The following TAX1BP1 variants were observed in gnomAD, a reference collection of about 807,000 sequenced individuals.
The protein encoded by TAX1BP1 is Tax1 binding protein 1, also known as tax1-binding protein 1.
A neutral mutation model predicts 97.7 loss-of-function variants in TAX1BP1; 62 were observed. That is an observed-to-expected ratio of 0.63 (90% CI 0.52 to 0.78). The LOEUF (loss-of-function observed/expected upper bound fraction) is 0.78, where lower values mean the gene tolerates loss of function less well. Ranked by LOEUF, TAX1BP1 falls within the 30% of genes least tolerant of loss-of-function variation. The pLI is 0.00. For synonymous variants in TAX1BP1, 340 were observed against 304.2 expected (o/e 1.12, Z -1.23); for missense variants, 867 against 916.1 (o/e 0.95, Z 0.69).
chr7:27,744,368 G>T (rs534489886), intron 1 of TAX1BP1, among the ~76,000 whole-genome samples: 20 of 151,626 alleles, frequency 1.3e-4, no homozygotes, highest in African/African-American at 4.8e-4. Context: ...CTCGTGATCC[G>T]CCCGCCTCGG....
In TAX1BP1 at chr7:27,803,977, A is replaced by G. The variant is rs2128321339; in HGVS notation, c.1764+3887A>G. On this transcript the variant is annotated intron_variant, in intron 13 of 16. Transcript: ENST00000396319. ...AGATATTTTCTCAAAGTGAAATGAA[A>G]TGAGCCTGTTATATCAGGGAAAAAC... Among the ~76,000 whole-genome samples the G allele has an allele frequency of 1.3e-5, 2 of 152,324 alleles. 1 individual carries two copies. Among genetic ancestry groups the G allele is most frequent in the Middle Eastern group, 6.8e-3 (2 of 294 alleles).
intron 11 of TAX1BP1, among the ~76,000 whole-genome samples, chr7:27,795,760 G>T (rs908792550): frequency 6.6e-6 from 1 of 152,108 alleles, no homozygotes; most frequent in Non-Finnish European, 1.5e-5. Flanking sequence ...CACCGTGTTA[G>T]CCAGGATGGT....
chr7:27,749,355 A>G (rs1787940830), intron 2 of TAX1BP1, among the ~76,000 whole-genome samples: 1 of 152,254 alleles, frequency 6.6e-6, no homozygotes, highest in African/African-American at 2.4e-5. Flanking sequence ...TCCTCTGAGC[A>G]GTCAAAATAA....
chr7:27,791,697 ATGGGATCTT>A (rs1789714653), intron 8 of TAX1BP1, among the ~76,000 whole-genome samples: 1 of 152,010 alleles, frequency 6.6e-6, no homozygotes. Context: ...ATTCTGGGGG[ATGGGATCTT>A]TTGTTTGAGC....
At chr7:27,765,755 T>C (rs1562707040) in intron 3 of TAX1BP1, 79 bp from the exon 4 acceptor site, 1 of 1,239,398 alleles carries the variant, frequency 8.1e-7, no homozygotes, top group East Asian at 2.4e-5. Context: ...GAATGAGACA[T>C]GGCAAGTATT....
At chr7:27,817,523 A>G (rs1464650552) in intron 15 of TAX1BP1, among the ~76,000 whole-genome samples, 1 of 152,172 alleles carries the variant, frequency 6.6e-6, no homozygotes, top group Non-Finnish European at 1.5e-5. Context: ...TGTATGTATC[A>G]TATAGTGGTT....
chr7:27,764,164 T>C (rs563937463), intron 3 of TAX1BP1, among the ~76,000 whole-genome samples: 52 of 152,378 alleles, frequency 3.4e-4, no homozygotes, highest in African/African-American at 1.2e-3. Context: ...TACAGTACTA[T>C]TGACTAAAGT....
In TAX1BP1 at chr7:27,829,028, T is replaced by C. The variant is rs1782595143; in HGVS notation, c.*199T>C. On this transcript the variant is annotated 3_prime_UTR_variant, in exon 17 of 17. Transcript: ENST00000396319. Reference sequence around the variant, plus strand: ...GCTTATCAATAAATTTTAATCTCTGTTAATCTTACCTGCTTTAAAAAAAAG... The same window carrying C: ...GCTTATCAATAAATTTTAATCTCTGCTAATCTTACCTGCTTTAAAAAAAAG... 5 of 466,278 alleles carry C rather than the reference T, an allele frequency of 1.1e-5. No homozygotes were observed. The highest frequency in any genetic ancestry group is 5.4e-4 in the Middle Eastern group (1 of 1,866). 28.9% of individuals were successfully genotyped at this position (466,278 alleles called of 1,614,324 possible).
intron 10 of TAX1BP1, 134 bp downstream of exon 10, chr7:27,793,346 T>G: frequency 2.1e-5 from 16 of 774,104 alleles, no homozygotes; most frequent in Non-Finnish European, 2.8e-5. Flanking sequence ...ATTGGCCAAA[T>G]ATTGTAATAA....
At chr7:27,815,225 G>A (rs1272412665) in intron 13 of TAX1BP1, among the ~76,000 whole-genome samples, 1 of 152,050 alleles carries the variant, frequency 6.6e-6, no homozygotes, top group Non-Finnish European at 1.5e-5. Context: ...TTGATCTTCA[G>A]TAGAATCATT....
intron 1 of TAX1BP1, among the ~76,000 whole-genome samples, chr7:27,744,859 C>T (rs941723699): frequency 2.6e-5 from 4 of 151,932 alleles, no homozygotes; most frequent in Non-Finnish European, 5.9e-5. Flanking sequence ...TTAATGCATT[C>T]GCAAAATAAT....
At chr7:27,775,733 A>G (rs919509968) in intron 5 of TAX1BP1, among the ~76,000 whole-genome samples, 2 of 152,142 alleles carry the variant, frequency 1.3e-5, no homozygotes, top group Admixed American at 6.5e-5. Flanking sequence ...CAGTTTCTCC[A>G]TCTCTTGGGT....
chr7:27,781,724 T>G lies in TAX1BP1; in HGVS notation c.613-3439T>G, dbSNP rs1285588223. On this transcript the variant is annotated intron_variant, in intron 5 of 16. Transcript: ENST00000396319. The stretch of plus-strand genomic sequence containing the variant: ...ACTAAATTAATTAATTAATTAATTT[T>G]TTTTTTTGAGACGGAGTCTTACTCT... Among the ~76,000 whole-genome samples the G allele has an allele frequency of 3.3e-5, 5 of 151,988 alleles. No individual in the cohort carries two copies. In the South Asian group the frequency reaches 8.3e-4, roughly 25 times the overall value.
At chr7:27,754,305 C>A (rs994994717) in intron 2 of TAX1BP1, among the ~76,000 whole-genome samples, 1 of 150,910 alleles carries the variant, frequency 6.6e-6, no homozygotes, top group African/African-American at 2.4e-5. Flanking sequence ...CCTTGGTCTC[C>A]CCTTCAGTCC....
At chr7:27,808,988 T>G (rs577069653) in intron 13 of TAX1BP1, among the ~76,000 whole-genome samples, 2 of 152,194 alleles carry the variant, frequency 1.3e-5, no homozygotes, top group Non-Finnish European at 2.9e-5. Context: ...TGATTTAAAA[T>G]GAATAGAGCA....
intron 15 of TAX1BP1, among the ~76,000 whole-genome samples, chr7:27,825,063 C>T (rs1791122635): frequency 6.6e-6 from 1 of 152,054 alleles, no homozygotes. Flanking sequence ...TCTGGCTTTC[C>T]ATGCTTTCAT....
intron 3 of TAX1BP1, among the ~76,000 whole-genome samples, chr7:27,761,436 T>C (rs1788421810): frequency 6.6e-6 from 1 of 152,182 alleles, no homozygotes; most frequent in Admixed American, 6.5e-5. Flanking sequence ...TGCAGTATCA[T>C]AAAGAACAAT....
In TAX1BP1 at chr7:27,765,005, C is replaced by G. The variant is rs201470779; in HGVS notation, c.266-829C>G. On this transcript the variant is annotated intron_variant, in intron 3 of 16. Transcript: ENST00000396319. ...ATCTTATAGATTGTCTGCCTCTCCTCTCTGTTTTTTTTTTTTTTTTTTTTT... is the reference window on the plus strand; with the variant it reads ...ATCTTATAGATTGTCTGCCTCTCCTGTCTGTTTTTTTTTTTTTTTTTTTTT... Among the ~76,000 whole-genome samples, 10 of 134,462 alleles carry G rather than the reference C, an allele frequency of 7.4e-5. No homozygotes were observed. The East Asian group carries it at 1.9e-3, about 25-fold the overall frequency. The allele number at this position is 134,462 out of a possible 152,430, so 88.2% of individuals were successfully genotyped here.
chr7:27,779,313 A>T (rs970088093), intron 5 of TAX1BP1, among the ~76,000 whole-genome samples: 1 of 152,036 alleles, frequency 6.6e-6, no homozygotes, highest in Non-Finnish European at 1.5e-5. Flanking sequence ...TTGATTTTTG[A>T]GGCAAATATC....
Sources: allele counts gnomAD v4.1 joint callset (sites outside exome capture counted in the v4.1 genomes callset), GRCh38; gene constraint gnomAD v4.1.1; transcripts MANE v1.5; gene names NCBI Gene and HGNC (gene_info 2026-07-23, HGNC 2026-07-21).